Variants in EPHB1 observed in about 807,000 individuals in gnomAD.
The protein encoded by EPHB1 is EPH receptor B1.
EPHB1 carries 30 observed loss-of-function variants against 94.4 expected under a neutral mutation model. The ratio of observed to expected loss-of-function variants is 0.32; its 90% CI spans 0.24 to 0.43. The LOEUF (loss-of-function observed/expected upper bound fraction) is 0.43, where lower values mean the gene tolerates loss of function less well. EPHB1 is among the 20% of genes least tolerant of loss of function. The probability of loss-of-function intolerance (pLI) is 1.00; values close to 1 mark genes in which losing one functional copy is unlikely to be tolerated. For synonymous variants in EPHB1, 522 were observed against 489.1 expected (o/e 1.07, Z -0.89); for missense variants, 1,055 against 1,308.3 (o/e 0.81, Z 2.99).
At chr3:135,158,030 G>A (rs1941405009) in intron 6 of EPHB1, among the ~76,000 whole-genome samples, 1 of 152,190 alleles carries the variant, frequency 6.6e-6, no homozygotes, top group South Asian at 2.1e-4. Context: ...GAGCTTGATA[G>A]GAGAGTGGAT....
rs962025421 is a variant in EPHB1, at chr3:135,175,099, C to T, written c.1760-4761C>T. 3.7e-4 allele frequency among the ~76,000 whole-genome samples: 56 copies of T among 152,156 alleles called. 1 individual carries two copies. The highest frequency in any genetic ancestry group is 2.9e-4 in the Non-Finnish European group (20 of 68,012). On this transcript the variant is annotated intron_variant, in intron 9 of 15. Coordinates refer to ENST00000398015, the MANE Select transcript of EPHB1 (RefSeq NM_004441.5). ...CACTCCTCTCCCTCCAGCTTTCAATCCCCAAATATCACCTACTGTTTAAAA... is the reference window on the plus strand; with the variant it reads ...CACTCCTCTCCCTCCAGCTTTCAATTCCCAAATATCACCTACTGTTTAAAA...
At chr3:135,166,145 C>A in intron 8 of EPHB1, 69 bp downstream of exon 8, 3 of 1,166,376 alleles carry the variant, frequency 2.6e-6, no homozygotes, top group Non-Finnish European at 3.9e-6. Context: ...GTTTCCCAGG[C>A]TGCGTGGATC....
At chr3:135,038,748 T>C (rs1318819608) in intron 3 of EPHB1, among the ~76,000 whole-genome samples, 1 of 152,026 alleles carries the variant, frequency 6.6e-6, no homozygotes, top group Non-Finnish European at 1.5e-5. Context: ...CGGTGAGTGT[T>C]ACAGCTCATA....
chr3:135,111,887 T>C (rs1485651016), intron 4 of EPHB1, among the ~76,000 whole-genome samples: 1 of 151,950 alleles, frequency 6.6e-6, no homozygotes, highest in Non-Finnish European at 1.5e-5. Context: ...ACCATGTTGG[T>C]CAGGCTGGTC....
chr3:135,133,046 G>T lies in EPHB1; in HGVS notation c.1294G>T (p.Ala432Ser). 1 of 1,583,604 alleles carries T rather than the reference G, an allele frequency of 6.3e-7. No individual in the cohort carries two copies. Among genetic ancestry groups the T allele is most frequent in the Non-Finnish European group, 8.6e-7 (1 of 1,159,076 alleles). Residue 432 changes from alanine to serine, a missense_variant, in exon 5 of 16, where the codon GCC becomes TCC. Physicochemically the swap from Ala to Ser is moderately conservative, Grantham distance 99. Transcript: ENST00000398015. ...CTCTGTCAACATCACCACAAACCAA[G>T]CCGGTAAGTCTGGAGGCTTCTGTGC... is the stretch of plus-strand genomic sequence containing the variant. ...HVSVNITTNQ[A>S]APSTVPIMHQ...
intron 3 of EPHB1, among the ~76,000 whole-genome samples, chr3:135,031,426 C>G (rs1936463805): frequency 6.6e-6 from 1 of 152,176 alleles, no homozygotes; most frequent in African/African-American, 2.4e-5. Flanking sequence ...CCTCCTGCCT[C>G]AGCATCCAGC....
intron 1 of EPHB1, among the ~76,000 whole-genome samples, chr3:134,860,761 C>T (rs531510780): frequency 1.4e-3 from 115 of 80,434 alleles, no homozygotes; most frequent in African/African-American, 3.5e-3. Context: ...TGCAGTGAGC[C>T]GAGATTGTGC....
At chr3:134,844,951 T>G (rs986600871) in intron 1 of EPHB1, among the ~76,000 whole-genome samples, 2 of 152,180 alleles carry the variant, frequency 1.3e-5, no homozygotes, top group Non-Finnish European at 2.9e-5. Context: ...CTCCCCTACT[T>G]ACCAAAGAGT....
intron 3 of EPHB1, among the ~76,000 whole-genome samples, chr3:135,018,777 C>T (rs1002949502): frequency 1.3e-5 from 2 of 152,160 alleles, no homozygotes; most frequent in Admixed American, 6.5e-5. Flanking sequence ...ACTGTGTCTG[C>T]TGAGTGAATG....
chr3:135,151,600 G>T (rs1019284954), intron 5 of EPHB1, among the ~76,000 whole-genome samples: 1 of 152,118 alleles, frequency 6.6e-6, no homozygotes, highest in Non-Finnish European at 1.5e-5. Context: ...CTCTATGAGG[G>T]CTAGAAATTT....
intron 2 of EPHB1, among the ~76,000 whole-genome samples, chr3:134,937,814 G>C (rs1034260630): frequency 6.6e-6 from 1 of 152,012 alleles, no homozygotes; most frequent in African/African-American, 2.4e-5. Flanking sequence ...ACATTCAATC[G>C]ACAGCTTAAG....
intron 12 of EPHB1, among the ~76,000 whole-genome samples, chr3:135,215,596 T>A (rs541025994): frequency 2.7e-4 from 41 of 152,316 alleles, no homozygotes; most frequent in African/African-American, 9.6e-4. Context: ...GAAGGAAAAT[T>A]GAGGACCTCG....
At chr3:135,245,295 A>G (rs1267565680) in intron 13 of EPHB1, among the ~76,000 whole-genome samples, 1 of 152,136 alleles carries the variant, frequency 6.6e-6, no homozygotes, top group Non-Finnish European at 1.5e-5. Flanking sequence ...TGACTCTCCC[A>G]AGGTTCTATA....
intron 3 of EPHB1, among the ~76,000 whole-genome samples, chr3:135,001,690 T>TTGC (rs1049229551): frequency 4.6e-5 from 7 of 152,242 alleles, no homozygotes; most frequent in Non-Finnish European, 7.4e-5. Context: ...GTTCTTCCCT[T>TTGC]TGCTGCTGCT....
intron 3 of EPHB1, among the ~76,000 whole-genome samples, chr3:135,101,735 G>T (rs189800731): frequency 9.2e-5 from 14 of 152,262 alleles, no homozygotes; most frequent in Admixed American, 9.2e-4. Context: ...AGAAAGTATA[G>T]CATAAGTGTG....
At chr3:135,095,020 T>C (rs1938706946) in intron 3 of EPHB1, among the ~76,000 whole-genome samples, 1 of 152,208 alleles carries the variant, frequency 6.6e-6, no homozygotes, top group Admixed American at 6.5e-5. Context: ...GGGGTGCAGA[T>C]GCAGCTGCTG....
intron 3 of EPHB1, among the ~76,000 whole-genome samples, chr3:135,001,924 C>T (rs1277292114): frequency 6.6e-6 from 1 of 152,202 alleles, no homozygotes; most frequent in Non-Finnish European, 1.5e-5. Flanking sequence ...AAAAAGAATG[C>T]TGTCCAAAAG....
intron 12 of EPHB1, among the ~76,000 whole-genome samples, chr3:135,202,789 C>T (rs890665160): frequency 1.3e-5 from 2 of 152,196 alleles, no homozygotes; most frequent in African/African-American, 2.4e-5. Flanking sequence ...TAAATTAGTT[C>T]AACCATTGTG....
chr3:135,250,881 G>A (rs1477464448), intron 15 of EPHB1, among the ~76,000 whole-genome samples: 3 of 152,158 alleles, frequency 2.0e-5, no homozygotes, highest in Non-Finnish European at 4.4e-5. Flanking sequence ...AATGGGCACA[G>A]TGCAAGGTGC....
Sources: gnomAD v4.1 joint callset for allele counts (sites outside exome capture counted in the v4.1 genomes callset) on GRCh38, gnomAD v4.1.1 for gene constraint, MANE v1.5 for transcripts, NCBI Gene and HGNC (gene_info 2026-07-23, HGNC 2026-07-21) for gene names.